GOLGA4: variants seen among roughly 807,000 people sequenced by gnomAD.
GOLGA4 encodes golgin subfamily A member 4.
A neutral mutation model predicts 265.9 loss-of-function variants in GOLGA4; 169 were observed. That is an observed-to-expected ratio of 0.64 (90% CI 0.56 to 0.72). GOLGA4 has a LOEUF of 0.72. Ranked by LOEUF, GOLGA4 falls within the 30% of genes least tolerant of loss-of-function variation. The probability of loss-of-function intolerance (pLI) is 0.00; values close to 1 mark genes in which losing one functional copy is unlikely to be tolerated. For missense variants in GOLGA4, 2,482 were observed against 2,483.4 expected (o/e 1.00, Z 0.01); for synonymous variants, 923 against 855.8 (o/e 1.08, Z -1.37).
rs1340168957 is a variant in GOLGA4, at chr3:37,243,362, C to A, written c.-189C>A. 1 of 577,114 alleles carries A rather than the reference C, an allele frequency of 1.7e-6. No homozygotes were observed. The highest frequency in any genetic ancestry group is 3.1e-6 in the Non-Finnish European group (1 of 321,488). The allele number at this position is 577,114 out of a possible 1,614,324, so 35.7% of individuals were successfully genotyped here. A position where few individuals can be genotyped will look rare whatever the true frequency, so the allele number is the denominator to read the frequency against. On this transcript the variant is annotated 5_prime_UTR_variant, in exon 1 of 24. Coordinates refer to ENST00000361924, the MANE Select transcript of GOLGA4 (RefSeq NM_002078.5). ...CAGTGGCACCCGGAAGAAAGAGACG[C>A]GGCGGCGGCGACGCCGACACCCTCA...
At chr3:37,267,777 A>G (rs1578415933) in intron 2 of GOLGA4, among the ~76,000 whole-genome samples, 1 of 152,242 alleles carries the variant, frequency 6.6e-6, no homozygotes, top group African/African-American at 2.4e-5. Context: ...CTAAACAATA[A>G]GAATTGATTT....
intron 2 of GOLGA4, among the ~76,000 whole-genome samples, chr3:37,261,267 G>A (rs1393167310): frequency 6.6e-6 from 1 of 152,188 alleles, no homozygotes; most frequent in Non-Finnish European, 1.5e-5. Flanking sequence ...GAAGACTTTA[G>A]GACTTTCGGT....
At chr3:37,281,407 T>C (rs1280311329) in intron 2 of GOLGA4, among the ~76,000 whole-genome samples, 1 of 152,170 alleles carries the variant, frequency 6.6e-6, no homozygotes, top group Non-Finnish European at 1.5e-5. Flanking sequence ...AGTGGGTTCA[T>C]TACACATTAC....
chr3:37,340,925 T>TG (rs894273763), intron 20 of GOLGA4, among the ~76,000 whole-genome samples: 2 of 152,152 alleles, frequency 1.3e-5, no homozygotes, highest in African/African-American at 4.8e-5. Context: ...CCCAGCACTT[T>TG]GGGGGGCTGA....
At chr3:37,336,607 A>C (rs1337875220) in intron 17 of GOLGA4, among the ~76,000 whole-genome samples, 4 of 59,868 alleles carry the variant, frequency 6.7e-5, no homozygotes, top group Non-Finnish European at 1.7e-4. Context: ...CTAAAAATAC[A>C]AAAAAAAAAA....
chr3:37,314,431 A>G (rs1424727671), intron 10 of GOLGA4, among the ~76,000 whole-genome samples: 1 of 152,052 alleles, frequency 6.6e-6, no homozygotes, highest in Non-Finnish European at 1.5e-5. Context: ...ACTTGAGGTC[A>G]GGAGTTTGAG....
At chr3:37,268,076 T>C (rs1242950582) in intron 2 of GOLGA4, among the ~76,000 whole-genome samples, 1 of 140,602 alleles carries the variant, frequency 7.1e-6, no homozygotes, top group East Asian at 1.9e-4. Context: ...GTTTACTGTT[T>C]TTATTTATTT....
At chr3:37,274,465 G>A (rs1375169348) in intron 2 of GOLGA4, among the ~76,000 whole-genome samples, 1 of 152,202 alleles carries the variant, frequency 6.6e-6, no homozygotes, top group Non-Finnish European at 1.5e-5. Context: ...GCTGAGGTAG[G>A]TGGATCGCTT....
chr3:37,251,532 C>G (rs928797550), intron 2 of GOLGA4, 48 bp downstream of exon 2: 6 of 1,144,700 alleles, frequency 5.2e-6, no homozygotes, highest in Admixed American at 1.7e-5. Context: ...AGAAACTAAT[C>G]TAAAATGTAT....
At chr3:37,295,964 G>A (rs2096877092) in intron 6 of GOLGA4, 123 bp from the exon 7 acceptor site, 2 of 756,252 alleles carry the variant, frequency 2.6e-6, no homozygotes, top group East Asian at 2.5e-5. Context: ...ATGGACTTGA[G>A]CTCCTGCGGA....
intron 7 of GOLGA4, among the ~76,000 whole-genome samples, chr3:37,297,746 G>C (rs887420556): frequency 6.6e-6 from 1 of 152,152 alleles, no homozygotes; most frequent in Non-Finnish European, 1.5e-5. Flanking sequence ...TACACTCCTG[G>C]TGGGGCGTGG....
chr3:37,355,022 C>G, intron 21 of GOLGA4, 79 bp from the exon 22 acceptor site: 1 of 817,892 alleles, frequency 1.2e-6, no homozygotes, highest in East Asian at 2.5e-5. Context: ...AAGAATCCCA[C>G]CAGCAGAACA....
intron 4 of GOLGA4, 76 bp downstream of exon 4, chr3:37,286,137 T>TA: frequency 1.8e-5 from 7 of 396,918 alleles, no homozygotes; most frequent in East Asian, 3.8e-5. Flanking sequence ...GATATTTCTT[T>TA]CTTTTTTTTT....
chr3:37,354,631 G>C (rs965674894), intron 21 of GOLGA4, among the ~76,000 whole-genome samples: 2 of 152,080 alleles, frequency 1.3e-5, no homozygotes, highest in East Asian at 3.9e-4. Context: ...TGCATGTCTT[G>C]AAAAATACCT....
Position 37,325,692 on chromosome 3 carries a change from G to A in GOLGA4, c.3806G>A (p.Cys1269Tyr). The A allele has an allele frequency of 6.2e-7, 1 of 1,613,584 alleles. No homozygotes were observed. Among genetic ancestry groups the A allele is most frequent in the Non-Finnish European group, 8.5e-7 (1 of 1,179,520 alleles). Residue 1269 changes from cysteine to tyrosine, a missense_variant, in exon 14 of 24, where the codon TGC (cysteine) becomes TAC (tyrosine). Coordinates refer to ENST00000361924, the MANE Select transcript of GOLGA4 (RefSeq NM_002078.5). Reference protein sequence around the residue: ...KVKEALLIKTCTVSELEAQLR... With the variant: ...KVKEALLIKTYTVSELEAQLR... ...AAGGAGGCACTGTTAATTAAAACTT[G>A]CACAGTTTCTGAATTAGAAGCACAA...
At position 37,289,227 on chromosome 3, in the gene GOLGA4, A is replaced by G. The variant is rs776053801; in HGVS notation, c.526-8A>G. 4 of 1,545,968 alleles carry G rather than the reference A, an allele frequency of 2.6e-6. No homozygotes were observed. Among genetic ancestry groups the G allele is most frequent in the East Asian group, 2.3e-5 (1 of 44,280 alleles). On this transcript the variant is annotated splice_polypyrimidine_tract_variant and splice_region_variant and intron_variant, in intron 4 of 23. Coordinates refer to ENST00000361924, the MANE Select transcript of GOLGA4 (RefSeq NM_002078.5). Reference sequence around the variant, plus strand: ...TTTAACCAGCTTTTTTTTCTCTCTCAATTAAAGGGTATATTAAGTCAGAGT... The same window carrying G: ...TTTAACCAGCTTTTTTTTCTCTCTCGATTAAAGGGTATATTAAGTCAGAGT...
At chr3:37,273,656 A>C (rs1461115525) in intron 2 of GOLGA4, 1 of 897,882 alleles carries the variant, frequency 1.1e-6, no homozygotes, top group East Asian at 2.6e-5. Context: ...AGTGTTGGTC[A>C]GTCTGTGTTA....
In GOLGA4 at chr3:37,243,636, C is replaced by A. The variant is rs770685541; in HGVS notation, c.72+14C>A. On this transcript the variant is annotated intron_variant, in intron 1 of 23. Coordinates refer to ENST00000361924, the MANE Select transcript of GOLGA4 (RefSeq NM_002078.5). ...GCTCCTGCTCAGGTACGATGGCCGCCGCTCTCCTCCCCTGGTTCCGAATAC... is the reference window on the plus strand; with the variant it reads ...GCTCCTGCTCAGGTACGATGGCCGCAGCTCTCCTCCCCTGGTTCCGAATAC... 7 of 1,605,322 alleles carry A rather than the reference C, an allele frequency of 4.4e-6. No homozygotes were observed. Among genetic ancestry groups the A allele is most frequent in the African/African-American group, 4.0e-5 (3 of 74,778 alleles).
At chr3:37,279,401 G>C (rs1229352571) in intron 2 of GOLGA4, among the ~76,000 whole-genome samples, 2 of 152,150 alleles carry the variant, frequency 1.3e-5, no homozygotes, top group Non-Finnish European at 2.9e-5. Flanking sequence ...CCGCCCTCTA[G>C]CTGTAAGATG....
Sources: allele counts gnomAD v4.1 joint callset (sites outside exome capture counted in the v4.1 genomes callset), GRCh38; gene constraint gnomAD v4.1.1; transcripts MANE v1.5; gene names NCBI Gene and HGNC (gene_info 2026-07-23, HGNC 2026-07-21).